Variants in C10orf90 observed in about 807,000 individuals in gnomAD.
C10orf90 encodes the protein chromosome 10 open reading frame 90.
Under a neutral mutation model 62.5 loss-of-function variants are expected in C10orf90, and 56 were observed. The observed-to-expected ratio is 0.90, with a 90% CI of 0.72 to 1.12. C10orf90 has a LOEUF of 1.12. C10orf90 is among the 50% of genes most tolerant of loss of function. The probability of loss-of-function intolerance (pLI) is 0.00; values close to 1 mark genes in which losing one functional copy is unlikely to be tolerated. For missense variants in C10orf90, 970 were observed against 880.4 expected (o/e 1.10, Z -1.29); for synonymous variants, 386 against 340.4 (o/e 1.13, Z -1.47).
At position 126,668,654 on chromosome 10, in the gene C10orf90, C is replaced by A. The variant is rs1005525874; in HGVS notation, c.240+1587G>T. On this transcript the variant is annotated intron_variant, in intron 1 of 9. Coordinates refer to ENST00000488181, the MANE Select transcript of C10orf90 (RefSeq NM_001350921.2). Reference sequence around the variant, plus strand: ...CATCTGATGGTTTTCAAACTTGGCCCGCCCTAGAGCTGAGGAGGCAGGCCC... The same window carrying A: ...CATCTGATGGTTTTCAAACTTGGCCAGCCCTAGAGCTGAGGAGGCAGGCCC... 1.3e-5 allele frequency among the ~76,000 whole-genome samples: 2 copies of A among 152,100 alleles called. 1 individual carries two copies. Among genetic ancestry groups the A allele is most frequent in the South Asian group, 4.1e-4 (2 of 4,822 alleles).
chr10:126,429,196 G>A (rs7099858), intron 8 of C10orf90, among the ~76,000 whole-genome samples: 24,508 of 151,988 alleles, frequency 0.16, 2,065 homozygotes, highest in East Asian at 0.3. Flanking sequence ...GCCTTTGTGT[G>A]CATCAGATTG....
intron 7 of C10orf90, among the ~76,000 whole-genome samples, chr10:126,441,249 G>T (rs1401848008): frequency 6.6e-6 from 1 of 152,230 alleles, no homozygotes; most frequent in African/African-American, 2.4e-5. Context: ...GCTCTGGAAA[G>T]TCTCAGCAAT....
intron 4 of C10orf90, among the ~76,000 whole-genome samples, chr10:126,467,798 A>G (rs1860373168): frequency 6.6e-6 from 1 of 152,180 alleles, no homozygotes; most frequent in Non-Finnish European, 1.5e-5. Flanking sequence ...ACAGTTGTAA[A>G]TTCCTTCTGT....
At chr10:126,491,777 C>T (rs1861785812) in intron 4 of C10orf90, among the ~76,000 whole-genome samples, 1 of 152,216 alleles carries the variant, frequency 6.6e-6, no homozygotes, top group Non-Finnish European at 1.5e-5. Flanking sequence ...GTGTGATTGG[C>T]ATTTCCAACC....
intron 2 of C10orf90, among the ~76,000 whole-genome samples, chr10:126,514,771 C>A (rs142740109): frequency 1.5e-4 from 23 of 152,332 alleles, no homozygotes; most frequent in Non-Finnish European, 2.6e-4. Context: ...CACAGCACCG[C>A]CCTGCGCCCC....
chr10:126,609,737 C>A (rs1241909998), intron 2 of C10orf90, among the ~76,000 whole-genome samples: 3 of 152,196 alleles, frequency 2.0e-5, no homozygotes, highest in Non-Finnish European at 4.4e-5. Flanking sequence ...CAATAGGAGG[C>A]AAGGGAGCCA....
chr10:126,455,651 C>A (rs546589492), intron 7 of C10orf90, among the ~76,000 whole-genome samples: 4 of 152,302 alleles, frequency 2.6e-5, no homozygotes, highest in African/African-American at 9.6e-5. Flanking sequence ...TTTATTGGCT[C>A]TGAGAGTTCA....
At position 126,640,321 on chromosome 10, in the gene C10orf90, TC is replaced by T. The variant is rs138147993; in HGVS notation, c.313+6243del. Among the ~76,000 whole-genome samples the T allele has an allele frequency of 3.6e-3, 544 of 152,282 alleles. 4 individuals carry two copies. The highest frequency in any genetic ancestry group is 0.013 in the African/African-American group (532 of 41,568). On this transcript the variant is annotated intron_variant, in intron 2 of 9. Transcript: ENST00000488181. ...TTGAAGAGCAGAAAGGCAGATGTTT[TC>T]CCCATGGGGTTCTCAGCCACTCACA...
chr10:126,624,879 G>A lies in C10orf90; in HGVS notation c.313+21686C>T, dbSNP rs1222624402. The stretch of plus-strand genomic sequence containing the variant: ...CAGCAGGTTAAGGCCTACACAGAAC[G>A]TGGCAAGCTAGTAGAAAATGGAAAT... On this transcript the variant is annotated intron_variant, in intron 2 of 9. Transcript: ENST00000488181. Among the ~76,000 whole-genome samples the A allele has an allele frequency of 4.6e-5, 7 of 152,176 alleles. No homozygotes were observed. In the East Asian group the frequency reaches 7.7e-4, roughly 17 times the overall value.
At chr10:126,461,744 C>G (rs1859992570) in intron 5 of C10orf90, among the ~76,000 whole-genome samples, 159 bp from the exon 6 acceptor site, 1 of 152,156 alleles carries the variant, frequency 6.6e-6, no homozygotes, top group Admixed American at 6.5e-5. Flanking sequence ...CATCACAGAG[C>G]CCCCGGCCGC....
intron 2 of C10orf90, among the ~76,000 whole-genome samples, chr10:126,519,976 G>T (rs1300088765): frequency 6.6e-6 from 1 of 152,106 alleles, no homozygotes; most frequent in Non-Finnish European, 1.5e-5. Context: ...GCCCCCTCAT[G>T]GTTCTCTGTC....
intron 2 of C10orf90, among the ~76,000 whole-genome samples, chr10:126,542,529 C>A (rs549614294): frequency 1.9e-3 from 294 of 152,028 alleles, no homozygotes; most frequent in African/African-American, 6.2e-3. Flanking sequence ...AAAAATAATA[C>A]TTTTTTTAAA....
intron 2 of C10orf90, among the ~76,000 whole-genome samples, chr10:126,543,256 G>C (rs543134027): frequency 1.3e-5 from 2 of 152,298 alleles, no homozygotes; most frequent in South Asian, 2.1e-4. Context: ...AAGCCTGCTA[G>C]CTCTGCCTGC....
At chr10:126,440,346 G>A (rs1274242046) in intron 7 of C10orf90, among the ~76,000 whole-genome samples, 2 of 152,194 alleles carry the variant, frequency 1.3e-5, no homozygotes, top group African/African-American at 2.4e-5. Context: ...CCATTGACCT[G>A]GGAACCTCAT....
In C10orf90 at chr10:126,469,151, C is replaced by T. The variant is rs189594200; in HGVS notation, c.1535-4165G>A. 1.1e-3 allele frequency among the ~76,000 whole-genome samples: 170 copies of T among 152,192 alleles called. 1 individual carries two copies. The highest frequency in any genetic ancestry group is 3.7e-3 in the African/African-American group (153 of 41,510). ...AAGAAAACTATGAAAAGCAGACACACGAGCCGGGAGGGTACAGCTGCCCAG... is the reference window on the plus strand; with the variant it reads ...AAGAAAACTATGAAAAGCAGACACATGAGCCGGGAGGGTACAGCTGCCCAG... On this transcript the variant is annotated intron_variant, in intron 4 of 9. Transcript: ENST00000488181.
At chr10:126,540,249 G>A (rs1402582195) in intron 2 of C10orf90, among the ~76,000 whole-genome samples, 1 of 152,192 alleles carries the variant, frequency 6.6e-6, no homozygotes, top group South Asian at 2.1e-4. Context: ...CATCTTTCTA[G>A]ATGAAAAAGT....
intron 2 of C10orf90, among the ~76,000 whole-genome samples, chr10:126,530,336 A>G (rs1391662798): frequency 6.6e-6 from 1 of 152,120 alleles, no homozygotes; most frequent in African/African-American, 2.4e-5. Context: ...AAAAAAAAAC[A>G]AATCAGTCAA....
rs11245006 is a variant in C10orf90 at position 126,503,763 on chromosome 10, G to C, written c.1534+194C>G. The stretch of plus-strand genomic sequence containing the variant: ...AGAAGGCCTCTTACAATCTACAAAA[G>C]TCTCAACTAAAAAAATCTATCCAAT... On this transcript the variant is annotated intron_variant, in intron 4 of 9. Transcript: ENST00000488181. Among the ~76,000 whole-genome samples, 10 of 149,020 alleles carry C rather than the reference G, an allele frequency of 6.7e-5. No individual in the cohort carries two copies. In the East Asian group the frequency reaches 1.9e-3, roughly 29 times the overall value.
In C10orf90 at chr10:126,646,149, G is replaced by A. The variant is rs76426021; in HGVS notation, c.313+416C>T. Among the ~76,000 whole-genome samples the A allele has an allele frequency of 6.8e-3, 1,040 of 152,280 alleles. 8 individuals carry two copies. The highest frequency in any genetic ancestry group is 0.027 in the Middle Eastern group (8 of 294). On this transcript the variant is annotated intron_variant, in intron 2 of 9. Transcript: ENST00000488181. ...TCACCTAGCGTTTTTACAGTTTAGT[G>A]GCTAAGAATGGAAGCTTTATAAAAA...
Sources: allele counts gnomAD v4.1 joint callset (sites outside exome capture counted in the v4.1 genomes callset), GRCh38; gene constraint gnomAD v4.1.1; transcripts MANE v1.5; gene names NCBI Gene and HGNC (gene_info 2026-07-23, HGNC 2026-07-21).